The following GPRIN3 variants were observed in gnomAD, a reference collection of about 807,000 sequenced individuals.
GPRIN3 encodes GPRIN family member 3, also known as G protein-regulated inducer of neurite outgrowth 3.
A neutral mutation model predicts 13.7 loss-of-function variants in GPRIN3; 12 were observed. The observed-to-expected ratio is 0.87, with a 90% confidence interval of 0.56 to 1.42. The LOEUF is 1.42. Among genes scored for constraint, GPRIN3 ranks in the 40% most tolerant of loss-of-function variants. The probability of loss-of-function intolerance (pLI) is 0.00; values close to 1 mark genes in which losing one functional copy is unlikely to be tolerated. For synonymous variants in GPRIN3, 377 were observed against 372.7 expected (o/e 1.01, Z -0.13); for missense variants, 1,009 against 958.7 (o/e 1.05, Z -0.69).
At chr4:89,272,853 C>A (rs1028088990) in intron 1 of GPRIN3, among the ~76,000 whole-genome samples, 13 of 152,314 alleles carry the variant, frequency 8.5e-5, no homozygotes, top group African/African-American at 2.9e-4. Flanking sequence ...CTGAAACTCA[C>A]CAAATTGATA....
intron 1 of GPRIN3, among the ~76,000 whole-genome samples, chr4:89,290,241 A>G (rs1724536450): frequency 6.6e-6 from 1 of 151,874 alleles, no homozygotes; most frequent in Non-Finnish European, 1.5e-5. Flanking sequence ...AAGTGCTGGG[A>G]TTACAGGAGT....
rs1723218028 is a variant in GPRIN3 at position 89,249,042 on chromosome 4, G to T, written c.1069C>A (p.Gln357Lys). The change falls in exon 2 of 2, where the codon CAG becomes AAG. Residue 357 changes from glutamine to lysine, a missense_variant. Physicochemically the swap from Gln to Lys is moderately conservative, Grantham distance 53. Coordinates refer to ENST00000609438, the MANE Select transcript of GPRIN3 (RefSeq NM_198281.3). ...CTGCTGTGGCAAATGACACGCAGCT[G>T]CTCTTGTTCAAAATGCTCAGGAGCA... ...SRAPEHFEQE[Q>K]LRVICHSSGS... The T allele has an allele frequency of 6.2e-7, 1 of 1,614,088 alleles. No homozygotes were observed. Among genetic ancestry groups the T allele is most frequent in the African/African-American group, 1.3e-5 (1 of 74,942 alleles).
chr4:89,275,991 G>A (rs1008732259), intron 1 of GPRIN3, among the ~76,000 whole-genome samples: 5 of 152,150 alleles, frequency 3.3e-5, no homozygotes, highest in Admixed American at 2.6e-4. Flanking sequence ...TCAAGGAAAA[G>A]TTCTGCGAGT....
intron 1 of GPRIN3, among the ~76,000 whole-genome samples, chr4:89,295,891 G>A (rs966627650): frequency 2.7e-4 from 41 of 151,992 alleles, no homozygotes; most frequent in Admixed American, 2.7e-3. Context: ...TGGTGCACTG[G>A]TTGAAAACAT....
intron 1 of GPRIN3, among the ~76,000 whole-genome samples, chr4:89,299,650 T>C (rs997033266): frequency 5.3e-5 from 8 of 152,122 alleles, no homozygotes; most frequent in African/African-American, 9.7e-5. Flanking sequence ...CAGAGAGGGG[T>C]TGCAAACACA....
chr4:89,280,911 T>C (rs530215714), intron 1 of GPRIN3, among the ~76,000 whole-genome samples: 1 of 152,214 alleles, frequency 6.6e-6, no homozygotes, highest in East Asian at 1.9e-4. Flanking sequence ...TGCATTGCTA[T>C]AAAGGAATAG....
chr4:89,261,243 G>C (rs1419412203), intron 1 of GPRIN3, among the ~76,000 whole-genome samples: 2 of 152,176 alleles, frequency 1.3e-5, no homozygotes, highest in Admixed American at 6.5e-5. Flanking sequence ...ATGCACAGTA[G>C]GATGTTTAGC....
At chr4:89,293,087 G>A (rs1724627633) in intron 1 of GPRIN3, among the ~76,000 whole-genome samples, 1 of 152,180 alleles carries the variant, frequency 6.6e-6, no homozygotes, top group South Asian at 2.1e-4. Context: ...AGTTCTAGTT[G>A]TGTATAGAAG....
rs73846109 is a variant in GPRIN3, at chr4:89,266,573, A to G, written c.-123-16340T>C. Reference sequence around the variant, plus strand: ...AACTTGACAAAGGTGGGTTGCTAAAACCAAGTTGCTATTGCATTAAGGGTG... The same window carrying G: ...AACTTGACAAAGGTGGGTTGCTAAAGCCAAGTTGCTATTGCATTAAGGGTG... On this transcript the variant is annotated intron_variant, in intron 1 of 1. Coordinates refer to ENST00000609438, the MANE Select transcript of GPRIN3 (RefSeq NM_198281.3). Among the ~76,000 whole-genome samples, 1,188 of 152,326 alleles carry G rather than the reference A, an allele frequency of 7.8e-3. 22 individuals carry two copies. The highest frequency in any genetic ancestry group is 0.027 in the African/African-American group (1,115 of 41,566).
chr4:89,270,240 T>C (rs946194586), intron 1 of GPRIN3, among the ~76,000 whole-genome samples: 1 of 151,982 alleles, frequency 6.6e-6, no homozygotes, highest in Non-Finnish European at 1.5e-5. Context: ...ATGAAGATGG[T>C]AGATTAATAT....
intron 1 of GPRIN3, among the ~76,000 whole-genome samples, chr4:89,282,632 T>C (rs1248683060): frequency 6.6e-6 from 1 of 151,492 alleles, no homozygotes; most frequent in Non-Finnish European, 1.5e-5. Context: ...TCAGCTATTG[T>C]TAGTGTGTTT....
At chr4:89,252,488 C>T (rs906499918) in intron 1 of GPRIN3, among the ~76,000 whole-genome samples, 1 of 152,160 alleles carries the variant, frequency 6.6e-6, no homozygotes, top group Admixed American at 6.5e-5. Context: ...TTCAAGGATT[C>T]CACTTCTTTG....
At chr4:89,255,911 T>C (rs1316651596) in intron 1 of GPRIN3, among the ~76,000 whole-genome samples, 1 of 152,246 alleles carries the variant, frequency 6.6e-6, no homozygotes, top group Non-Finnish European at 1.5e-5. Context: ...AGTTTATCTT[T>C]AAGTTTAATG....
chr4:89,269,939 G>C (rs748117431), intron 1 of GPRIN3, among the ~76,000 whole-genome samples: 4 of 152,110 alleles, frequency 2.6e-5, no homozygotes, highest in Admixed American at 1.3e-4. Context: ...TTAAAATAAT[G>C]TTTTCAATGG....
At chr4:89,301,017 A>C (rs1724882217) in intron 1 of GPRIN3, among the ~76,000 whole-genome samples, 1 of 152,234 alleles carries the variant, frequency 6.6e-6, no homozygotes, top group Non-Finnish European at 1.5e-5. Flanking sequence ...TTAATTAACA[A>C]TATGACTAAG....
intron 1 of GPRIN3, among the ~76,000 whole-genome samples, chr4:89,275,151 T>TGTGTGTGTGTGA (rs1724059158): frequency 1.3e-5 from 2 of 151,962 alleles, no homozygotes; most frequent in Admixed American, 6.6e-5. Flanking sequence ...TGTGTGTGTG[T>TGTGTGTGTGTGA]GTGTGTGTCC....
rs1056549565 is a variant in GPRIN3 at position 89,246,660 on chromosome 4, T to A, written c.*1120A>T. On this transcript the variant is annotated 3_prime_UTR_variant, in exon 2 of 2. Transcript: ENST00000609438. ...TATTTAAGCAATTAGATGATAGTAG[T>A]CTATGTACAAAAATTGTAAGGAAGC... The A allele has an allele frequency of 6.6e-6, 1 of 152,222 alleles. No homozygotes were observed. The highest frequency in any genetic ancestry group is 2.4e-5 in the African/African-American group (1 of 41,460). The allele number at this position is 152,222 out of a possible 1,614,324, so 9.4% of individuals were successfully genotyped here. A position where few individuals can be genotyped will look rare whatever the true frequency, so the allele number is the denominator to read the frequency against.
intron 1 of GPRIN3, among the ~76,000 whole-genome samples, chr4:89,251,977 CTT>C (rs112143610): frequency 6.3e-5 from 9 of 143,190 alleles, no homozygotes; most frequent in African/African-American, 1.0e-4. Flanking sequence ...TATATATAAG[CTT>C]TTTTTTTTTT....
At chr4:89,275,183 G>A (rs1724060605) in intron 1 of GPRIN3, among the ~76,000 whole-genome samples, 1 of 146,476 alleles carries the variant, frequency 6.8e-6, no homozygotes, top group South Asian at 2.2e-4. Flanking sequence ...CACAGTGTAT[G>A]GTATGTGAGC....
Sources: gnomAD v4.1 joint callset for allele counts (sites outside exome capture counted in the v4.1 genomes callset) on GRCh38, gnomAD v4.1.1 for gene constraint, MANE v1.5 for transcripts, NCBI Gene and HGNC (gene_info 2026-07-23, HGNC 2026-07-21) for gene names.